The following ASB4 variants were observed in gnomAD, a reference collection of about 807,000 sequenced individuals.
ASB4 encodes ankyrin repeat and SOCS box protein 4.
A neutral mutation model predicts 38.6 loss-of-function variants in ASB4; 35 were observed. That is an observed-to-expected ratio of 0.91 (90% CI 0.69 to 1.20). ASB4 has a LOEUF of 1.20. ASB4 is among the 50% of genes most tolerant of loss of function. ASB4 has a pLI of 0.00. For synonymous variants in ASB4, 195 were observed against 201.3 expected, an observed-to-expected ratio of 0.97 and a Z score of 0.26; for missense variants, 557 against 527.2, an observed-to-expected ratio of 1.06 and a Z score of -0.55.
chr7:95,487,415 A>C (rs1279594593), intron 1 of ASB4, among the ~76,000 whole-genome samples: 1 of 152,190 alleles, frequency 6.6e-6, no homozygotes, highest in African/African-American at 2.4e-5. Flanking sequence ...ACTAATTTTT[A>C]AGATGTTTTT....
chr7:95,550,376 G>A, the ASB4 span, among the ~76,000 whole-genome samples: 1 of 152,226 alleles, frequency 6.6e-6, no homozygotes, highest in Non-Finnish European at 1.5e-5. Context: ...TCTCTGGGAG[G>A]TTGCCAGAAA....
At chr7:95,517,113 T>A (rs943003372) in intron 2 of ASB4, among the ~76,000 whole-genome samples, 2 of 152,258 alleles carry the variant, frequency 1.3e-5, no homozygotes, top group Admixed American at 1.3e-4. Context: ...ATATACTTTA[T>A]CCATTTTTAA....
chr7:95,505,697 C>CT (rs1396721583), intron 2 of ASB4, among the ~76,000 whole-genome samples: 8 of 141,796 alleles, frequency 5.6e-5, no homozygotes, highest in African/African-American at 2.1e-4. Context: ...CCCCCCCCCC[C>CT]CAAATACTTA....
chr7:95,542,416 T>G (rs1409269528), downstream of ASB4: 2 of 152,160 alleles, frequency 1.3e-5, no homozygotes, highest in Admixed American at 6.5e-5. Context: ...AGTGGTTTTT[T>G]TTTTTGTTGT....
rs1328798021 is a variant in ASB4 at position 95,538,760 on chromosome 7, T to G, written c.*1001T>G. 1 of 152,144 alleles carries G rather than the reference T, an allele frequency of 6.6e-6. No individual in the cohort carries two copies. The highest frequency in any genetic ancestry group is 2.4e-5 in the African/African-American group (1 of 41,442). 9.4% of individuals were successfully genotyped at this position (152,144 alleles called of 1,614,324 possible). A position where few individuals can be genotyped will look rare whatever the true frequency, so the allele number is the denominator to read the frequency against. Reference sequence around the variant, plus strand: ...AATATTGCACACTCAATGGCTCCAGTGCATGTGACAAGGAAGCATAGGAAA... The same window carrying G: ...AATATTGCACACTCAATGGCTCCAGGGCATGTGACAAGGAAGCATAGGAAA... On this transcript the variant is annotated 3_prime_UTR_variant, in exon 5 of 5. Transcript: ENST00000325885.
In ASB4 at chr7:95,540,163, TTAAAG is replaced by T. The variant is rs978467685; in HGVS notation, c.*2408_*2412del. On this transcript the variant is annotated 3_prime_UTR_variant, in exon 5 of 5. Coordinates refer to ENST00000325885, the MANE Select transcript of ASB4 (RefSeq NM_016116.3). ...GTTTGTAATTTTTTTATTGGTGGAA[TTAAAG>T]TAATTTTTCCTTATCTTTGAACTTT... 1.3e-5 allele frequency: 2 copies of T among 152,212 alleles called. No homozygotes were observed. The highest frequency in any genetic ancestry group is 4.8e-5 in the African/African-American group (2 of 41,450). The allele number at this position is 152,212 out of a possible 1,614,324, so 9.4% of individuals were successfully genotyped here. A position where few individuals can be genotyped will look rare whatever the true frequency, so the allele number is the denominator to read the frequency against.
At chr7:95,483,278 G>A (rs978464820), upstream of ASB4, among the ~76,000 whole-genome samples, 3 of 152,156 alleles carry the variant, frequency 2.0e-5, no homozygotes, top group Non-Finnish European at 4.4e-5. Context: ...CTTGATACAC[G>A]TGGTCTGGCC....
chr7:95,484,953 C>CATAT (rs201031563), upstream of ASB4, among the ~76,000 whole-genome samples: 1 of 147,652 alleles, frequency 6.8e-6, no homozygotes, highest in Non-Finnish European at 1.5e-5. Flanking sequence ...TATTTACACA[C>CATAT]ACATATATAT....
At position 95,537,856 on chromosome 7, in the gene ASB4, AC is replaced by A; in HGVS notation, c.*98del. Reference sequence around the variant, plus strand: ...TAAAATGGTACTTGGGTTGATTATAACACTTCAGGGATTTCAAAACACTTTA... The same window carrying A: ...TAAAATGGTACTTGGGTTGATTATAAACTTCAGGGATTTCAAAACACTTTA... On this transcript the variant is annotated 3_prime_UTR_variant, in exon 5 of 5. Transcript: ENST00000325885. 1.0e-6 allele frequency: 1 copy of A among 998,396 alleles called. No homozygotes were observed. Among genetic ancestry groups the A allele is most frequent in the East Asian group, 2.5e-5 (1 of 40,538 alleles). The allele number at this position is 998,396 out of a possible 1,614,324, so 61.8% of individuals were successfully genotyped here. A position where few individuals can be genotyped will look rare whatever the true frequency, so the allele number is the denominator to read the frequency against.
At chr7:95,495,174 C>A (rs192257229) in intron 1 of ASB4, among the ~76,000 whole-genome samples, 87 of 152,144 alleles carry the variant, frequency 5.7e-4, no homozygotes, top group African/African-American at 2.0e-3. Flanking sequence ...GCCTTAAATT[C>A]GTCTTTGGAA....
intron 2 of ASB4, among the ~76,000 whole-genome samples, chr7:95,516,214 C>T (rs192860729): frequency 6.6e-6 from 1 of 152,264 alleles, no homozygotes; most frequent in African/African-American, 2.4e-5. Flanking sequence ...ACCTTTCTGA[C>T]CATAATATAT....
chr7:95,503,778 C>T (rs1412081854), intron 2 of ASB4, among the ~76,000 whole-genome samples: 1 of 152,242 alleles, frequency 6.6e-6, no homozygotes, highest in Non-Finnish European at 1.5e-5. Flanking sequence ...AACTGAAAAC[C>T]GATGTAATTT....
At chr7:95,513,293 A>ATGTGTGTGTGTGTGTG (rs3046862) in intron 2 of ASB4, among the ~76,000 whole-genome samples, 61 of 89,232 alleles carry the variant, frequency 6.8e-4, no homozygotes, top group African/African-American at 1.2e-3. Context: ...AGCCAATAGA[A>ATGTGTGTGTGTGTGTG]TGTGTGTGTG....
chr7:95,525,163 G>A (rs547068519), intron 2 of ASB4, among the ~76,000 whole-genome samples: 1 of 152,290 alleles, frequency 6.6e-6, no homozygotes, highest in East Asian at 1.9e-4. Context: ...GAAGGTAGGA[G>A]AGAGGTCTGA....
At chr7:95,508,014 G>C (rs1790433493) in intron 2 of ASB4, among the ~76,000 whole-genome samples, 1 of 152,138 alleles carries the variant, frequency 6.6e-6, no homozygotes, top group Non-Finnish European at 1.5e-5. Flanking sequence ...GAGTATTTGT[G>C]AAGAGGAGAT....
chr7:95,550,215 C>T, the ASB4 span, among the ~76,000 whole-genome samples: 2 of 152,166 alleles, frequency 1.3e-5, no homozygotes, highest in East Asian at 3.8e-4. Context: ...TGAAGACTTG[C>T]ACAGCAGGTC....
At chr7:95,536,631 A>G (rs1790893938) in intron 4 of ASB4, 81 bp downstream of exon 4, 3 of 1,057,878 alleles carry the variant, frequency 2.8e-6, no homozygotes, top group African/African-American at 3.2e-5. Context: ...ATTGTAACAA[A>G]AAAGTTGGTT....
intron 2 of ASB4, among the ~76,000 whole-genome samples, chr7:95,516,985 T>A (rs1790592779): frequency 6.6e-6 from 1 of 152,228 alleles, no homozygotes. Flanking sequence ...CTATATATAA[T>A]CTGTCTCCAC....
rs1420629787 is a variant in ASB4 at position 95,538,011 on chromosome 7, T to C, written c.*252T>C. ...GAACAGTAATAACTAATATGTATAG[T>C]GTTCTTACTAAGTACCTGAAATATT... On this transcript the variant is annotated 3_prime_UTR_variant, in exon 5 of 5. Coordinates refer to ENST00000325885, the MANE Select transcript of ASB4 (RefSeq NM_016116.3). 2.7e-6 allele frequency: 1 copy of C among 364,754 alleles called. No individual in the cohort carries two copies. Among genetic ancestry groups the C allele is most frequent in the Admixed American group, 4.2e-5 (1 of 23,998 alleles). 22.6% of individuals were successfully genotyped at this position (364,754 alleles called of 1,614,324 possible).
Sources: allele counts gnomAD v4.1 joint callset (sites outside exome capture counted in the v4.1 genomes callset), GRCh38; gene constraint gnomAD v4.1.1; transcripts MANE v1.5; gene names NCBI Gene and HGNC (gene_info 2026-07-23, HGNC 2026-07-21).